Variants in SYNE1 observed in about 807,000 individuals in gnomAD.
SYNE1 encodes nesprin-1.
SYNE1 carries 616 observed loss-of-function variants against 1,111.0 expected under a neutral mutation model. The observed-to-expected ratio is 0.55, with a 90% CI of 0.52 to 0.59. The LOEUF (loss-of-function observed/expected upper bound fraction) is 0.59. Ranked by LOEUF, SYNE1 falls within the 20% of genes least tolerant of loss-of-function variation. The pLI is 0.00. For missense variants in SYNE1, 10,006 were observed against 10,417.0 expected, an observed-to-expected ratio of 0.96 and a Z score of 1.72; for synonymous variants, 3,855 against 3,825.8, an observed-to-expected ratio of 1.01 and a Z score of -0.28.
At chr6:152,281,653 T>C (rs7454396) in intron 97 of SYNE1, among the ~76,000 whole-genome samples, 154 bp downstream of exon 97, 16 of 152,384 alleles carry the variant, frequency 1.0e-4, no homozygotes, top group Non-Finnish European at 2.1e-4. Flanking sequence ...TTTAAGCTTT[T>C]ATAATGTATT....
At chr6:152,347,349 C>T in intron 72 of SYNE1, 114 bp from the exon 73 acceptor site, 1 of 1,245,386 alleles carries the variant, frequency 8.0e-7, no homozygotes, top group Non-Finnish European at 1.1e-6. Context: ...AAGAATCTTG[C>T]AATTTACCTT....
rs747010366 is a variant in SYNE1, at chr6:152,416,817, G to A, written c.5620C>T (p.Leu1874Phe). The change falls in exon 41 of 146, where the codon CTC becomes TTC. Residue 1874 changes from leucine (L) to phenylalanine (F), a missense_variant. Coordinates refer to ENST00000367255, the MANE Select transcript of SYNE1 (RefSeq NM_182961.4). ...CCGGACAGAGAGGCATGGCTCTGGA[G>A]GAATTCTGCCAAATGGGACAGGGCA... The part of the protein sequence containing the change: ...QLALSHLAEF[L>F]QSHASLSGIL... 53 of 1,614,212 alleles carry A rather than the reference G, an allele frequency of 3.3e-5. 1 individual carries two copies. In the South Asian group the frequency reaches 5.8e-4, roughly 18 times the overall value.
intron 11 of SYNE1, among the ~76,000 whole-genome samples, chr6:152,495,387 C>G (rs771289064): frequency 1.4e-4 from 21 of 152,204 alleles, no homozygotes; most frequent in Non-Finnish European, 2.1e-4. Flanking sequence ...CCCAGTTGTC[C>G]CATCAATCCC....
Position 152,151,710 on chromosome 6 carries a change from T to A in SYNE1, c.24313-20A>T. 1 of 1,611,176 alleles carries A rather than the reference T, an allele frequency of 6.2e-7. No individual in the cohort carries two copies. The highest frequency in any genetic ancestry group is 8.5e-7 in the Non-Finnish European group (1 of 1,178,494). On this transcript the variant is annotated intron_variant, in intron 134 of 145. Transcript: ENST00000367255. ...AAAATGCTGGAAGGCAAGAGGAAAG[T>A]AGTAACAATTATTTTTATTAAAAGT... is the stretch of plus-strand genomic sequence containing the variant.
intron 95 of SYNE1, among the ~76,000 whole-genome samples, chr6:152,293,274 T>C (rs902322205): frequency 6.6e-6 from 1 of 152,176 alleles, no homozygotes; most frequent in Non-Finnish European, 1.5e-5. Context: ...TCAAAATAAC[T>C]TGGCAACTCT....
At chr6:152,193,807 C>G (rs750265976) in intron 127 of SYNE1, among the ~76,000 whole-genome samples, 3 of 151,790 alleles carry the variant, frequency 2.0e-5, no homozygotes, top group Non-Finnish European at 2.9e-5. Flanking sequence ...GTTAGGAGAT[C>G]GAAACCATCC....
rs572747283 is a variant in SYNE1 at position 152,412,580 on chromosome 6, G to A, written c.6230+772C>T. Reference sequence around the variant, plus strand: ...TGTGGAAAACTGCTTCCTGGTTGCAGGGGGCCTAAGGGCAAGGGGAAAAGA... The same window carrying A: ...TGTGGAAAACTGCTTCCTGGTTGCAAGGGGCCTAAGGGCAAGGGGAAAAGA... On this transcript the variant is annotated intron_variant, in intron 42 of 145. Coordinates refer to ENST00000367255, the MANE Select transcript of SYNE1 (RefSeq NM_182961.4). Among the ~76,000 whole-genome samples, 117 of 152,320 alleles carry A rather than the reference G, an allele frequency of 7.7e-4. 1 individual carries two copies. The highest frequency in any genetic ancestry group is 2.7e-3 in the African/African-American group (112 of 41,572).
Position 152,353,436 on chromosome 6 carries a change from A to G in SYNE1, c.11083-3T>C, listed in dbSNP as rs759268852. The G allele has an allele frequency of 1.9e-6, 3 of 1,614,180 alleles. No homozygotes were observed. Among genetic ancestry groups the G allele is most frequent in the Non-Finnish European group, 2.5e-6 (3 of 1,180,036 alleles). Reference sequence around the variant, plus strand: ...TCCTCCAGGAATTTTATTTGTTCCTATGAAAGAAAAGAGAAAATTGAATGG... The same window carrying G: ...TCCTCCAGGAATTTTATTTGTTCCTGTGAAAGAAAAGAGAAAATTGAATGG... On this transcript the variant is annotated splice_polypyrimidine_tract_variant and splice_region_variant and intron_variant, in intron 68 of 145. Transcript: ENST00000367255.
intron 117 of SYNE1, among the ~76,000 whole-genome samples, chr6:152,222,985 C>G (rs2080527575): frequency 6.6e-6 from 1 of 152,150 alleles, no homozygotes; most frequent in South Asian, 2.1e-4. Context: ...GGAAATAGTG[C>G]TGAGGTGACA....
rs769408311 is a variant in SYNE1 at position 152,450,777 on chromosome 6, G to A, written c.3243C>T (p.Ile1081=). The change falls in exon 27 of 146, where the codon ATC becomes ATT. Residue 1081 remains isoleucine, a synonymous_variant. Coordinates refer to ENST00000367255, the MANE Select transcript of SYNE1 (RefSeq NM_182961.4). ...HHLCEKRLQL[I]EELCVKLPVR... is the part of the protein sequence containing the mutation. ...CTGGGAGTTTCACACAGAGTTCCTC[G>A]ATGAGCTGTAACCTTTTCTCACAGA... 4.3e-6 allele frequency: 7 copies of A among 1,613,932 alleles called. No homozygotes were observed. Among genetic ancestry groups the A allele is most frequent in the African/African-American group, 4.0e-5 (3 of 74,874 alleles).
chr6:152,460,799 C>CTTTT (rs869295894), intron 21 of SYNE1, among the ~76,000 whole-genome samples: 3 of 67,538 alleles, frequency 4.4e-5, no homozygotes, highest in Admixed American at 2.2e-4. Context: ...TGTATATAAT[C>CTTTT]TTTTTTTTTT....
At chr6:152,352,408 C>CTT (rs11370219) in intron 69 of SYNE1, 55 bp from the exon 70 acceptor site, 32,097 of 1,268,112 alleles carry the variant, frequency 0.025, 1 homozygote, top group East Asian at 0.031. Context: ...TCTTTTCTTT[C>CTT]TTTTTTTTTT....
Position 152,409,621 on chromosome 6 carries a change from TG to T in SYNE1, c.6318del (p.Ser2106ArgfsTer3). On this transcript the variant is annotated frameshift_variant, in exon 43 of 146. Coordinates refer to ENST00000367255, the MANE Select transcript of SYNE1 (RefSeq NM_182961.4). LOFTEE classifies it high-confidence loss of function. ...SAVSKVLENA[S>X]SVIVTRTTIK... is the part of the protein sequence containing the mutation. ...ATGGTAGTTCTGGTTACAATCACAC[TG>T]CTGGCATTTTCTAAGACTTTAGATA... The T allele has an allele frequency of 6.2e-7, 1 of 1,613,958 alleles. No homozygotes were observed. Among genetic ancestry groups the T allele is most frequent in the Non-Finnish European group, 8.5e-7 (1 of 1,179,962 alleles).
chr6:152,352,148 T>C lies in SYNE1; in HGVS notation c.11459A>G (p.Glu3820Gly), dbSNP rs1160088076. 1 of 1,614,126 alleles carries C rather than the reference T, an allele frequency of 6.2e-7. No homozygotes were observed. Among genetic ancestry groups the C allele is most frequent in the African/African-American group, 1.3e-5 (1 of 74,934 alleles). The change falls in exon 70 of 146, where the codon GAA (glutamate) becomes GGA (glycine). Residue 3820 changes from glutamate to glycine, a missense_variant. By Grantham distance (98) the Glu-to-Gly change is moderately conservative. Transcript: ENST00000367255. ...CAGTGCTTTGCATTTATCTGAGAATTCCTTTGCTAAATGAAGACCTTTTTC... is the reference window on the plus strand; with the variant it reads ...CAGTGCTTTGCATTTATCTGAGAATCCCTTTGCTAAATGAAGACCTTTTTC... ...TLEKGLHLAKEFSDKCKALTQ... is the reference protein window; with the variant it reads ...TLEKGLHLAKGFSDKCKALTQ...
At chr6:152,156,940 G>C (rs941660173) in intron 131 of SYNE1, among the ~76,000 whole-genome samples, 2 of 151,972 alleles carry the variant, frequency 1.3e-5, no homozygotes, top group African/African-American at 4.8e-5. Flanking sequence ...TGATTTTCCT[G>C]CCTCAGCCTC....
intron 93 of SYNE1, among the ~76,000 whole-genome samples, chr6:152,297,569 T>C (rs879426710): frequency 3.3e-5 from 5 of 152,226 alleles, no homozygotes; most frequent in African/African-American, 1.2e-4. Context: ...TATATGTTCA[T>C]AATAAATCAT....
In SYNE1 at chr6:152,145,446, C is replaced by T. The variant is rs186191796; in HGVS notation, c.24977-1681G>A. On this transcript the variant is annotated intron_variant, in intron 137 of 145. Coordinates refer to ENST00000367255, the MANE Select transcript of SYNE1 (RefSeq NM_182961.4). ...GTGCTAAGAGAGGAGGATTGCTATA[C>T]AGGGGAGGGAGGGAGGCTGGCTCCG... 737 of 1,578,808 alleles carry T rather than the reference C, an allele frequency of 4.7e-4. 4 individuals carry two copies. The African/African-American group carries it at 8.1e-3, about 17-fold the overall frequency.
At chr6:152,181,627 G>A (rs1041938606) in intron 128 of SYNE1, among the ~76,000 whole-genome samples, 2 of 152,130 alleles carry the variant, frequency 1.3e-5, no homozygotes, top group Non-Finnish European at 2.9e-5. Flanking sequence ...CTATATTGTA[G>A]CATGTATCAA....
intron 54 of SYNE1, 26 bp from the exon 55 acceptor site, chr6:152,385,864 T>C: frequency 6.2e-7 from 1 of 1,612,718 alleles, no homozygotes; most frequent in East Asian, 2.2e-5. Flanking sequence ...AAGACTACCT[T>C]AACAGTGGTC....
Sources: allele counts gnomAD v4.1 joint callset (sites outside exome capture counted in the v4.1 genomes callset), GRCh38; gene constraint gnomAD v4.1.1; transcripts MANE v1.5; gene names NCBI Gene and HGNC (gene_info 2026-07-23, HGNC 2026-07-21).